RYR2: variants seen among roughly 807,000 people sequenced by gnomAD.
RYR2 encodes cardiac muscle ryanodine receptor-calcium release channel.
RYR2 carries 227 observed loss-of-function variants against 601.1 expected under a neutral mutation model. The observed-to-expected ratio is 0.38, with a 90% CI of 0.34 to 0.42. RYR2 has a LOEUF of 0.42. RYR2 is among the 10% of genes least tolerant of loss of function. The probability of loss-of-function intolerance (pLI) is 1.00; values close to 1 mark genes in which losing one functional copy is unlikely to be tolerated. For missense variants in RYR2, 4,646 were observed against 6,156.5 expected (o/e 0.75, Z 8.21); for synonymous variants, 2,223 against 2,175.1 (o/e 1.02, Z -0.61).
At chr1:237,482,700 C>A (rs1317677264) in intron 17 of RYR2, among the ~76,000 whole-genome samples, 1 of 152,134 alleles carries the variant, frequency 6.6e-6, no homozygotes, top group Admixed American at 6.6e-5. Context: ...TGATTTCTTT[C>A]TTTTGGGTAT....
chr1:237,236,861 C>T (rs902522736), intron 1 of RYR2, among the ~76,000 whole-genome samples: 4 of 152,122 alleles, frequency 2.6e-5, no homozygotes, highest in Admixed American at 2.6e-4. Context: ...TTGTTGGAGG[C>T]TCTATCCAAC....
At chr1:237,082,524 C>CATATATATATATAT (rs71561856) in intron 1 of RYR2, among the ~76,000 whole-genome samples, 5,107 of 79,312 alleles carry the variant, frequency 0.064, 456 homozygotes, top group Non-Finnish European at 0.1. Context: ...AATAGGAAAA[C>CATATATATATATAT]ATATATATAT....
At chr1:237,453,782 A>C (rs1014731036) in intron 14 of RYR2, among the ~76,000 whole-genome samples, 1 of 152,212 alleles carries the variant, frequency 6.6e-6, no homozygotes, top group African/African-American at 2.4e-5. Context: ...ACACATTTAC[A>C]TGCCAGTAAT....
At chr1:237,676,182 C>T (rs1270790122) in intron 60 of RYR2, among the ~76,000 whole-genome samples, 1 of 151,986 alleles carries the variant, frequency 6.6e-6, no homozygotes, top group Non-Finnish European at 1.5e-5. Context: ...TTTGGAGAAA[C>T]AAGGGACAGG....
intron 1 of RYR2, among the ~76,000 whole-genome samples, chr1:237,189,882 T>TTA (rs939902281): frequency 2.6e-5 from 4 of 151,394 alleles, no homozygotes; most frequent in South Asian, 2.1e-4. Context: ...TATTTTTATT[T>TTA]TTTTTTTTGA....
intron 100 of RYR2, among the ~76,000 whole-genome samples, chr1:237,816,419 T>TCAA (rs1487917832): frequency 6.6e-6 from 1 of 152,096 alleles, no homozygotes; most frequent in Non-Finnish European, 1.5e-5. Context: ...GCACGGTGAC[T>TCAA]CAACGCCAGT....
intron 74 of RYR2, among the ~76,000 whole-genome samples, chr1:237,726,053 G>A (rs957995547): frequency 1.3e-5 from 2 of 152,026 alleles, no homozygotes; most frequent in African/African-American, 4.8e-5. Context: ...GTGGATAATT[G>A]TCACCACGTG....
rs936901045 is a variant in RYR2 at position 237,731,916 on chromosome 1, A to ACACACACACACC, written c.10936-127_10936-126insACACACACCCAC. ...TACACACACACACACACACACACAC[A>ACACACACACACC]CACCCCACAACAGGGAAGGAGGAAC... is the stretch of plus-strand genomic sequence containing the variant. On this transcript the variant is annotated intron_variant, in intron 77 of 104. Transcript: ENST00000366574. 2,447 of 600,752 alleles carry ACACACACACACC rather than the reference A, an allele frequency of 4.1e-3. 8 individuals carry two copies. The highest frequency in any genetic ancestry group is 6.1e-3 in the Non-Finnish European group (2,024 of 333,062). The allele number at this position is 600,752 out of a possible 1,614,324, so 37.2% of individuals were successfully genotyped here. A position where few individuals can be genotyped will look rare whatever the true frequency, so the allele number is the denominator to read the frequency against.
chr1:237,725,317 G>A (rs879914283), intron 74 of RYR2, among the ~76,000 whole-genome samples: 1 of 152,068 alleles, frequency 6.6e-6, no homozygotes, highest in African/African-American at 2.4e-5. Context: ...ATAAAAAGTG[G>A]GAGATATCCT....
At chr1:237,237,027 C>G (rs1191284955) in intron 1 of RYR2, among the ~76,000 whole-genome samples, 1 of 152,058 alleles carries the variant, frequency 6.6e-6, no homozygotes, top group African/African-American at 2.4e-5. Flanking sequence ...TGAGTGAGTG[C>G]CCACAAGATC....
At chr1:237,412,427 C>T (rs2150005158) in intron 10 of RYR2, among the ~76,000 whole-genome samples, 1 of 152,220 alleles carries the variant, frequency 6.6e-6, no homozygotes, top group East Asian at 1.9e-4. Flanking sequence ...TTTCAAAGTA[C>T]TGTTGAACAA....
chr1:237,735,527 C>T (rs1383961734), intron 79 of RYR2, among the ~76,000 whole-genome samples: 1 of 152,120 alleles, frequency 6.6e-6, no homozygotes, highest in Non-Finnish European at 1.5e-5. Flanking sequence ...AGACAGGTTA[C>T]AGGACATAAG....
At chr1:237,493,374 G>A (rs1572577399) in intron 19 of RYR2, among the ~76,000 whole-genome samples, 2 of 152,240 alleles carry the variant, frequency 1.3e-5, no homozygotes, top group African/African-American at 4.8e-5. Flanking sequence ...CCTGACAACT[G>A]TATAGGTATA....
At chr1:237,583,583 A>T (rs1674172517) in intron 29 of RYR2, among the ~76,000 whole-genome samples, 1 of 152,200 alleles carries the variant, frequency 6.6e-6, no homozygotes, top group African/African-American at 2.4e-5. Context: ...TGATCAAAAA[A>T]TGTGAATTTA....
chr1:237,465,490 A>G (rs1659972670), intron 16 of RYR2, among the ~76,000 whole-genome samples: 1 of 152,204 alleles, frequency 6.6e-6, no homozygotes, highest in African/African-American at 2.4e-5. Flanking sequence ...TGGCTTTGGA[A>G]TACGGTCATG....
chr1:237,274,056 A>G (rs1690000484), intron 2 of RYR2, among the ~76,000 whole-genome samples: 1 of 146,984 alleles, frequency 6.8e-6, no homozygotes, highest in Non-Finnish European at 1.5e-5. Context: ...ATAATATATT[A>G]TAAATATACC....
chr1:237,598,201 A>G (rs188972760), intron 34 of RYR2, among the ~76,000 whole-genome samples: 14 of 152,356 alleles, frequency 9.2e-5, no homozygotes, highest in Admixed American at 3.9e-4. Context: ...ATAGGCTTCA[A>G]TGCAACAATA....
rs1329591286 is a variant in RYR2 at position 237,595,702 on chromosome 1, C to A, written c.4596+45C>A. ...ATCAGTCTTCTAGGGAGGAAGACTTCTTTCCCCCATTAAAGGAAAACACAG... is the reference window on the plus strand; with the variant it reads ...ATCAGTCTTCTAGGGAGGAAGACTTATTTCCCCCATTAAAGGAAAACACAG... On this transcript the variant is annotated intron_variant, in intron 34 of 104. Coordinates refer to ENST00000366574, the MANE Select transcript of RYR2 (RefSeq NM_001035.3). 1.9e-6 allele frequency: 3 copies of A among 1,552,362 alleles called. No individual in the cohort carries two copies. The East Asian group carries it at 7.0e-5, about 36-fold the overall frequency.
intron 60 of RYR2, among the ~76,000 whole-genome samples, chr1:237,677,382 A>G (rs1685492894): frequency 1.3e-5 from 2 of 152,202 alleles, no homozygotes; most frequent in South Asian, 4.1e-4. Flanking sequence ...AGCTAAATGA[A>G]TTAGGTTAAT....
Sources: allele counts gnomAD v4.1 joint callset (sites outside exome capture counted in the v4.1 genomes callset), GRCh38; gene constraint gnomAD v4.1.1; transcripts MANE v1.5; gene names NCBI Gene and HGNC (gene_info 2026-07-23, HGNC 2026-07-21).